The following EYA1 variants were observed in gnomAD, a reference collection of about 807,000 sequenced individuals.
The protein encoded by EYA1 is protein phosphatase EYA1.
A neutral mutation model predicts 82.0 loss-of-function variants in EYA1; 16 were observed. The ratio of observed to expected loss-of-function variants is 0.20; its 90% CI spans 0.13 to 0.30. The LOEUF (loss-of-function observed/expected upper bound fraction) is 0.30, where lower values mean the gene tolerates loss of function less well. Ranked by LOEUF, EYA1 falls within the 10% of genes least tolerant of loss-of-function variation. The pLI, the probability that EYA1 is intolerant of heterozygous loss-of-function variation, is 1.00. For missense variants in EYA1, 633 were observed against 730.7 expected (o/e 0.87, Z 1.54); for synonymous variants, 261 against 264.4 (o/e 0.99, Z 0.12).
chr8:71,240,688 A>G (rs1241223696), intron 12 of EYA1, among the ~76,000 whole-genome samples: 1 of 152,202 alleles, frequency 6.6e-6, no homozygotes, highest in Non-Finnish European at 1.5e-5. Flanking sequence ...TTAACCAGAC[A>G]GAAGAAGAAA....
chr8:71,513,816 A>T (rs1363088147), intron 2 of EYA1, among the ~76,000 whole-genome samples: 2 of 152,190 alleles, frequency 1.3e-5, no homozygotes, highest in South Asian at 4.1e-4. Context: ...TTTGATTTTT[A>T]GATCCCACAA....
chr8:71,390,843 A>T (rs1829236313), intron 2 of EYA1, among the ~76,000 whole-genome samples: 1 of 152,040 alleles, frequency 6.6e-6, no homozygotes, highest in Non-Finnish European at 1.5e-5. Context: ...ACTATTTTTT[A>T]GATTGAATTC....
chr8:71,346,431 A>AATATATATAATATATATATATATAT (rs770393582), intron 3 of EYA1, among the ~76,000 whole-genome samples: 2 of 105,486 alleles, frequency 1.9e-5, no homozygotes, highest in African/African-American at 6.8e-5. Flanking sequence ...TACTGCAGTG[A>AATATATATAATATATATATATATAT]ATATATATAT....
chr8:71,319,232 G>A, intron 6 of EYA1, among the ~76,000 whole-genome samples: 1 of 151,790 alleles, frequency 6.6e-6, no homozygotes, highest in Non-Finnish European at 1.5e-5. Flanking sequence ...CCAGGTTCAT[G>A]CCATTCTCCT....
At chr8:71,259,442 C>A (rs1814831903) in intron 11 of EYA1, among the ~76,000 whole-genome samples, 1 of 152,124 alleles carries the variant, frequency 6.6e-6, no homozygotes, top group Non-Finnish European at 1.5e-5. Context: ...AGTATTCTGG[C>A]AAAATGCATA....
chr8:71,421,794 T>A lies in EYA1; in HGVS notation c.34-65283A>T, dbSNP rs571955454. On this transcript the variant is annotated intron_variant, in intron 2 of 18. Transcript: ENST00000643681. ...ACATATGGGATGTCAAAAAGGTACCTGAAACTGAACTAATGTGCTCTAAGC... is the reference window on the plus strand; with the variant it reads ...ACATATGGGATGTCAAAAAGGTACCAGAAACTGAACTAATGTGCTCTAAGC... Among the ~76,000 whole-genome samples, 21 of 152,300 alleles carry A rather than the reference T, an allele frequency of 1.4e-4. No individual in the cohort carries two copies. In the South Asian group the frequency reaches 4.1e-3, roughly 30 times the overall value.
intron 12 of EYA1, among the ~76,000 whole-genome samples, chr8:71,229,922 C>T (rs1434490761): frequency 6.6e-6 from 1 of 152,148 alleles, no homozygotes; most frequent in Non-Finnish European, 1.5e-5. Flanking sequence ...TCAAAAGCAA[C>T]ATGCTCTCCC....
At chr8:71,318,315 G>A (rs186745227) in intron 6 of EYA1, among the ~76,000 whole-genome samples, 21 of 152,298 alleles carry the variant, frequency 1.4e-4, no homozygotes, top group African/African-American at 4.8e-4. Flanking sequence ...ACACTAATGA[G>A]CTGAATCTTA....
intron 2 of EYA1, among the ~76,000 whole-genome samples, chr8:71,447,771 T>A (rs1375126204): frequency 6.6e-6 from 1 of 152,144 alleles, no homozygotes; most frequent in African/African-American, 2.4e-5. Flanking sequence ...CACACCTCAA[T>A]TAAAAATACT....
chr8:71,255,011 G>T (rs1000693687), intron 11 of EYA1, among the ~76,000 whole-genome samples: 9 of 152,008 alleles, frequency 5.9e-5, no homozygotes, highest in Admixed American at 1.3e-4. Context: ...AGAAATGAAA[G>T]AAATCAAATA....
intron 4 of EYA1, among the ~76,000 whole-genome samples, chr8:71,328,275 G>C (rs2129040298): frequency 6.6e-6 from 1 of 152,252 alleles, no homozygotes; most frequent in Middle Eastern, 3.4e-3. Context: ...CGTAAGCCCT[G>C]TTCATAGCCA....
intron 2 of EYA1, among the ~76,000 whole-genome samples, chr8:71,520,365 CAA>C (rs1338247553): frequency 6.6e-6 from 1 of 152,120 alleles, no homozygotes; most frequent in East Asian, 1.9e-4. Flanking sequence ...CCAAAACTAA[CAA>C]ACAGGGCCCC....
At chr8:71,392,319 A>G (rs1344067024) in intron 2 of EYA1, among the ~76,000 whole-genome samples, 1 of 152,104 alleles carries the variant, frequency 6.6e-6, no homozygotes, top group African/African-American at 2.4e-5. Flanking sequence ...AAAGATAAAG[A>G]ATTTCTCCAT....
chr8:71,222,391 C>CTT (rs1159505411), intron 12 of EYA1, among the ~76,000 whole-genome samples: 2 of 152,222 alleles, frequency 1.3e-5, no homozygotes, highest in African/African-American at 4.8e-5. Flanking sequence ...AATTACCAAA[C>CTT]TTGGGTATTG....
At chr8:71,245,900 T>C (rs7839496) in intron 11 of EYA1, among the ~76,000 whole-genome samples, 51,207 of 151,938 alleles carry the variant, frequency 0.34, 9,016 homozygotes, top group African/African-American at 0.4. Flanking sequence ...TGCACCGTGG[T>C]TTCTATCTAA....
intron 2 of EYA1, among the ~76,000 whole-genome samples, chr8:71,506,591 T>C (rs1026299443): frequency 7.9e-5 from 12 of 152,106 alleles, no homozygotes; most frequent in Admixed American, 7.2e-4. Context: ...GTAAAAAGGG[T>C]TTGTTGTTGT....
intron 2 of EYA1, among the ~76,000 whole-genome samples, chr8:71,375,991 T>C (rs1018775687): frequency 2.6e-5 from 4 of 152,232 alleles, no homozygotes; most frequent in Middle Eastern, 3.4e-3. Flanking sequence ...AATGAAAATA[T>C]AAAAGTAGAC....
chr8:71,429,653 C>T (rs1805485419), intron 2 of EYA1, among the ~76,000 whole-genome samples: 1 of 151,952 alleles, frequency 6.6e-6, no homozygotes, highest in Non-Finnish European at 1.5e-5. Flanking sequence ...AATATTAGGT[C>T]CTCAAAAAAT....
At chr8:71,267,864 T>C (rs1296163889) in intron 11 of EYA1, among the ~76,000 whole-genome samples, 8 of 152,152 alleles carry the variant, frequency 5.3e-5, no homozygotes, top group Non-Finnish European at 8.8e-5. Context: ...AAACTTTTTA[T>C]CACATGACCT....
Sources: allele counts gnomAD v4.1 joint callset (sites outside exome capture counted in the v4.1 genomes callset), GRCh38; gene constraint gnomAD v4.1.1; transcripts MANE v1.5; gene names NCBI Gene and HGNC (gene_info 2026-07-23, HGNC 2026-07-21).